Variants in C8orf34 observed in about 807,000 individuals in gnomAD.
C8orf34 encodes uncharacterized protein C8orf34.
C8orf34 carries 65 observed loss-of-function variants against 68.3 expected under a neutral mutation model. That is an observed-to-expected ratio of 0.95 (90% CI 0.78 to 1.17). C8orf34 has a LOEUF of 1.17. C8orf34 is among the 50% of genes most tolerant of loss of function. C8orf34 has a pLI of 0.00. For missense variants in C8orf34, 664 were observed against 655.4 expected (o/e 1.01, Z -0.14); for synonymous variants, 244 against 241.2 (o/e 1.01, Z -0.11).
At chr8:68,741,543 C>T (rs1251236752) in intron 10 of C8orf34, among the ~76,000 whole-genome samples, 2 of 152,148 alleles carry the variant, frequency 1.3e-5, no homozygotes, top group African/African-American at 4.8e-5. Context: ...GTTGTGCTAG[C>T]AAATACTAGG....
intron 10 of C8orf34, among the ~76,000 whole-genome samples, chr8:68,773,965 C>A (rs1219096363): frequency 6.6e-6 from 1 of 152,128 alleles, no homozygotes; most frequent in Non-Finnish European, 1.5e-5. Flanking sequence ...CGGGAAAAAC[C>A]ACACACTCCA....
At chr8:68,743,523 C>T (rs1004818433) in intron 10 of C8orf34, among the ~76,000 whole-genome samples, 2 of 152,072 alleles carry the variant, frequency 1.3e-5, no homozygotes, top group Non-Finnish European at 2.9e-5. Context: ...TCAGTGGGTG[C>T]GCACACCGTG....
At chr8:68,493,106 G>C (rs1813383517) in intron 5 of C8orf34, among the ~76,000 whole-genome samples, 1 of 152,118 alleles carries the variant, frequency 6.6e-6, no homozygotes, top group Admixed American at 6.5e-5. Flanking sequence ...ATTTCAAAGG[G>C]AAGAGAATGG....
intron 11 of C8orf34, among the ~76,000 whole-genome samples, chr8:68,779,755 G>A (rs756692589): frequency 1.3e-5 from 2 of 151,892 alleles, no homozygotes; most frequent in African/African-American, 2.4e-5. Flanking sequence ...GAAAGTTTAC[G>A]TTTTATCATT....
chr8:68,533,094 C>A lies in C8orf34; in HGVS notation c.1050C>A (p.Thr350=), dbSNP rs766575088. 6.2e-7 allele frequency: 1 copy of A among 1,611,644 alleles called. No homozygotes were observed. Among genetic ancestry groups the A allele is most frequent in the East Asian group, 2.2e-5 (1 of 44,784 alleles). ...QDSFESIHSP[T]PSVTEEDIDN... is the part of the protein sequence containing the mutation. ...CTTTTGAGTCCATCCACAGCCCTAC[C>A]CCATCTGTAACAGAAGAAGATATTG... Residue 350 remains threonine (T), a synonymous_variant, in exon 7 of 14, where the codon ACC becomes ACA. Transcript: ENST00000518698.
chr8:68,615,910 C>G (rs1295562255), intron 7 of C8orf34, among the ~76,000 whole-genome samples: 6 of 150,992 alleles, frequency 4.0e-5, no homozygotes, highest in Non-Finnish European at 8.8e-5. Context: ...GCTGTGAATC[C>G]ATCTGGTCCT....
chr8:68,574,686 T>C (rs1816852128), intron 7 of C8orf34, among the ~76,000 whole-genome samples: 1 of 152,098 alleles, frequency 6.6e-6, no homozygotes, highest in Non-Finnish European at 1.5e-5. Context: ...TTCCATTTCA[T>C]AGAAACTTGA....
intron 7 of C8orf34, among the ~76,000 whole-genome samples, chr8:68,584,586 G>T (rs761936416): frequency 3.3e-5 from 5 of 152,164 alleles, no homozygotes; most frequent in Non-Finnish European, 7.3e-5. Context: ...AAAGGGAACA[G>T]CTGGGAATCA....
intron 4 of C8orf34, among the ~76,000 whole-genome samples, chr8:68,480,547 T>C (rs181158197): frequency 6.6e-6 from 1 of 152,300 alleles, no homozygotes; most frequent in East Asian, 1.9e-4. Context: ...CAGGAAAATG[T>C]GTGAAAGTTT....
rs1819598992 is a variant in C8orf34 at position 68,659,228 on chromosome 8, C to T, written c.1241+18717C>T. Among the ~76,000 whole-genome samples, 4 of 152,232 alleles carry T rather than the reference C, an allele frequency of 2.6e-5. No individual in the cohort carries two copies. The Middle Eastern group carries it at 0.01, about 388-fold the overall frequency. On this transcript the variant is annotated intron_variant, in intron 8 of 13. Coordinates refer to ENST00000518698, the MANE Select transcript of C8orf34 (RefSeq NM_052958.4). ...GATTATTTCTGTGTCATTGAGCCAT[C>T]CCTGGGTTTTATAGATATACAGTAT...
At chr8:68,413,774 G>T (rs1809544460) in intron 1 of C8orf34, among the ~76,000 whole-genome samples, 1 of 152,192 alleles carries the variant, frequency 6.6e-6, no homozygotes, top group Admixed American at 6.6e-5. Flanking sequence ...ACTAGTTTCT[G>T]AAGAGTTCTT....
chr8:68,731,371 C>CA (rs1392834822), intron 10 of C8orf34, among the ~76,000 whole-genome samples: 5 of 151,580 alleles, frequency 3.3e-5, no homozygotes, highest in African/African-American at 7.3e-5. Flanking sequence ...TCAAACAAAC[C>CA]AAAAAAATAC....
intron 1 of C8orf34, among the ~76,000 whole-genome samples, chr8:68,428,936 T>A (rs2129624556): frequency 6.6e-6 from 1 of 152,258 alleles, no homozygotes; most frequent in South Asian, 2.1e-4. Flanking sequence ...TAATAAATGT[T>A]GACTTTAGAT....
intron 12 of C8orf34, among the ~76,000 whole-genome samples, chr8:68,796,168 C>T (rs1486258230): frequency 6.6e-6 from 1 of 152,214 alleles, no homozygotes; most frequent in Admixed American, 6.5e-5. Flanking sequence ...TAAAACCCCA[C>T]ATAACTCACT....
At chr8:68,479,137 A>G (rs1045215504) in intron 4 of C8orf34, among the ~76,000 whole-genome samples, 5 of 152,170 alleles carry the variant, frequency 3.3e-5, no homozygotes, top group African/African-American at 1.2e-4. Flanking sequence ...GTTACTTTAT[A>G]AAGAATAATT....
intron 7 of C8orf34, among the ~76,000 whole-genome samples, chr8:68,589,678 G>A (rs1252099382): frequency 7.0e-6 from 1 of 141,986 alleles, no homozygotes; most frequent in Non-Finnish European, 1.5e-5. Context: ...GGAGAAGGGA[G>A]GAAGGAAGAA....
chr8:68,571,965 C>G (rs761156624), intron 7 of C8orf34, among the ~76,000 whole-genome samples: 9 of 152,058 alleles, frequency 5.9e-5, no homozygotes, highest in Non-Finnish European at 1.2e-4. Context: ...AGTGTACTTA[C>G]ACGAACCTAC....
chr8:68,587,394 TTA>T (rs971569375), intron 7 of C8orf34, among the ~76,000 whole-genome samples: 2 of 152,134 alleles, frequency 1.3e-5, no homozygotes, highest in African/African-American at 4.8e-5. Context: ...TTTCATCTTG[TTA>T]TGTTATGAGT....
chr8:68,602,404 A>G (rs1817724681), intron 7 of C8orf34, among the ~76,000 whole-genome samples: 3 of 152,172 alleles, frequency 2.0e-5, no homozygotes, highest in Admixed American at 2.0e-4. Flanking sequence ...TCATGGTAGA[A>G]AGGGAAGCAA....
Sources: gnomAD v4.1 joint callset for allele counts (sites outside exome capture counted in the v4.1 genomes callset) on GRCh38, gnomAD v4.1.1 for gene constraint, MANE v1.5 for transcripts, NCBI Gene and HGNC (gene_info 2026-07-23, HGNC 2026-07-21) for gene names.